Variants in UBA2 observed in about 807,000 individuals in gnomAD.
The protein encoded by UBA2 is SUMO-activating enzyme subunit 2.
Under a neutral mutation model 77.2 loss-of-function variants are expected in UBA2, and 11 were observed. The observed-to-expected ratio is 0.14, with a 90% CI of 0.09 to 0.24. The LOEUF is 0.24. Among genes scored for constraint, UBA2 ranks in the 10% least tolerant of loss-of-function variants. The pLI, the probability that UBA2 is intolerant of heterozygous loss-of-function variation, is 1.00. For synonymous variants in UBA2, 278 were observed against 276.7 expected (o/e 1.00, Z -0.05); for missense variants, 487 against 781.7 (o/e 0.62, Z 4.50).
In UBA2 at chr19:34,454,550, C is replaced by G; in HGVS notation, c.1239C>G (p.Cys413Trp). The G allele has an allele frequency of 6.4e-7, 1 of 1,553,386 alleles. No homozygotes were observed. Among genetic ancestry groups the G allele is most frequent in the Non-Finnish European group, 8.8e-7 (1 of 1,140,066 alleles). ...TTTTATCAGGAAAAATAGACCAGTGCAGAACAGTGAGTATTTCTGTTTGCA... is the reference window on the plus strand; with the variant it reads ...TTTTATCAGGAAAAATAGACCAGTGGAGAACAGTGAGTATTTCTGTTTGCA... Reference protein sequence around the residue: ...LKILSGKIDQCRTIFLNKQPN... With the variant: ...LKILSGKIDQWRTIFLNKQPN... The change falls in exon 12 of 17, where the codon TGC (cysteine) becomes TGG (tryptophan). Residue 413 changes from cysteine to tryptophan, a missense_variant. This residue lies in a region of UBA2 where 300 missense variants were observed against 454.3 expected (regional missense o/e 0.66). Transcript: ENST00000246548.
chr19:34,431,355 G>A (rs565743935), intron 2 of UBA2, among the ~76,000 whole-genome samples: 19 of 147,108 alleles, frequency 1.3e-4, no homozygotes, highest in African/African-American at 4.0e-4. Flanking sequence ...TGGCCTCAAG[G>A]GATCCTCCTA....
chr19:34,431,735 G>A, intron 2 of UBA2, 126 bp from the exon 3 acceptor site: 1 of 741,210 alleles, frequency 1.3e-6, no homozygotes, highest in Admixed American at 2.3e-5. Flanking sequence ...TCACATTTTT[G>A]GACTTCTTTG....
At chr19:34,439,661 C>G (rs1443888314) in intron 6 of UBA2, among the ~76,000 whole-genome samples, 1 of 151,878 alleles carries the variant, frequency 6.6e-6, no homozygotes, top group Non-Finnish European at 1.5e-5. Context: ...AAAACCGTGT[C>G]TCTACAAAAA....
intron 15 of UBA2, 114 bp from the exon 16 acceptor site, chr19:34,466,764 G>T: frequency 1.4e-6 from 1 of 724,160 alleles, no homozygotes; most frequent in Non-Finnish European, 2.1e-6. Context: ...AAAAAAATTA[G>T]AATCCACATA....
In UBA2 at chr19:34,454,345, A is replaced by C; in HGVS notation, c.1124A>C (p.Asp375Ala). Residue 375 changes from aspartate (D) to alanine (A), a missense_variant, in exon 11 of 17, where the codon GAT (aspartate) becomes GCT (alanine). Coordinates refer to ENST00000246548, the MANE Select transcript of UBA2 (RefSeq NM_005499.3). ...IFSMNMKSRF[D>A]IKSMAGNIIP... The stretch of plus-strand genomic sequence containing the variant: ...AGTATGAATATGAAGAGTAGATTTG[A>C]TATCAAATGTAAGTTATTTGTACTA... 6.2e-7 allele frequency: 1 copy of C among 1,610,616 alleles called. No individual in the cohort carries two copies. The highest frequency in any genetic ancestry group is 8.5e-7 in the Non-Finnish European group (1 of 1,178,738).
At chr19:34,467,776 A>G (rs2075703532) in intron 16 of UBA2, among the ~76,000 whole-genome samples, 1 of 152,222 alleles carries the variant, frequency 6.6e-6, no homozygotes, top group Non-Finnish European at 1.5e-5. Flanking sequence ...CAAACAAGTC[A>G]TTTAAGACTG....
At chr19:34,434,217 T>C (rs2075285897) in intron 4 of UBA2, among the ~76,000 whole-genome samples, 2 of 152,192 alleles carry the variant, frequency 1.3e-5, no homozygotes, top group Non-Finnish European at 2.9e-5. Flanking sequence ...GCTCAGGTGA[T>C]ACTCTTACCT....
At chr19:34,433,516 A>G in intron 4 of UBA2, 104 bp downstream of exon 4, 4 of 823,606 alleles carry the variant, frequency 4.9e-6, no homozygotes, top group Non-Finnish European at 7.8e-6. Context: ...TTAGAACTTA[A>G]AAGACTTAAG....
chr19:34,433,431 T>C lies in UBA2; in HGVS notation c.358+19T>C. ...AACAGAGGTGAGGTTATTTTAATAC[T>C]TTTAATTTCTCAGTATTTCCTCTCT... On this transcript the variant is annotated intron_variant, in intron 4 of 16. Coordinates refer to ENST00000246548, the MANE Select transcript of UBA2 (RefSeq NM_005499.3). 1 of 1,491,502 alleles carries C rather than the reference T, an allele frequency of 6.7e-7. No homozygotes were observed. The highest frequency in any genetic ancestry group is 1.2e-5 in the South Asian group (1 of 85,516). The allele number at this position is 1,491,502 out of a possible 1,614,324, so 92.4% of individuals were successfully genotyped here.
At position 34,452,660 on chromosome 19, in the gene UBA2, A is replaced by G. The variant is rs573684680; in HGVS notation, c.1038+513A>G. On this transcript the variant is annotated intron_variant, in intron 10 of 16. Coordinates refer to ENST00000246548, the MANE Select transcript of UBA2 (RefSeq NM_005499.3). ...CAGTTATGTCATCTTTTGAGATTTGATATTATGAACTAATTTTACTTAATT... is the reference window on the plus strand; with the variant it reads ...CAGTTATGTCATCTTTTGAGATTTGGTATTATGAACTAATTTTACTTAATT... 2.0e-5 allele frequency among the ~76,000 whole-genome samples: 3 copies of G among 152,356 alleles called. No homozygotes were observed. In the East Asian group the frequency reaches 5.8e-4, roughly 29 times the overall value.
At chr19:34,449,732 T>C (rs1427272513) in intron 8 of UBA2, among the ~76,000 whole-genome samples, 6 of 152,228 alleles carry the variant, frequency 3.9e-5, no homozygotes, top group African/African-American at 1.4e-4. Context: ...TGTTCATGTT[T>C]CTGTGGGTTA....
chr19:34,437,020 A>G (rs2075316088), intron 5 of UBA2, among the ~76,000 whole-genome samples: 1 of 152,184 alleles, frequency 6.6e-6, no homozygotes, highest in Non-Finnish European at 1.5e-5. Flanking sequence ...AGCATATTGG[A>G]AGGCTGAGGG....
At chr19:34,456,422 C>T (rs1257335252) in intron 12 of UBA2, among the ~76,000 whole-genome samples, 1 of 151,934 alleles carries the variant, frequency 6.6e-6, no homozygotes, top group East Asian at 1.9e-4. Flanking sequence ...CCTCGATGCA[C>T]TCTTAAAATA....
In UBA2 at chr19:34,460,560, A is replaced by G; in HGVS notation, c.1492A>G (p.Thr498Ala). 1 of 1,604,720 alleles carries G rather than the reference A, an allele frequency of 6.2e-7. No homozygotes were observed. Among genetic ancestry groups the G allele is most frequent in the Non-Finnish European group, 8.5e-7 (1 of 1,174,412 alleles). Residue 498 changes from threonine (T) to alanine (A), a missense_variant, in exon 14 of 17, where the codon ACG becomes GCG. Around this residue, in one of 9 missense-constraint regions of UBA2, gnomAD observed 300 missense variants for 454.3 expected, o/e 0.66. Coordinates refer to ENST00000246548, the MANE Select transcript of UBA2 (RefSeq NM_005499.3). ...CCTAATATCTTCCGAAGAGGGAGAG[A>G]CGGAAGGTATCATACATTGTATTTA... ...TILISSEEGETEANNHKKLSE... is the reference protein window; with the variant it reads ...TILISSEEGEAEANNHKKLSE...
intron 8 of UBA2, among the ~76,000 whole-genome samples, chr19:34,449,026 A>G (rs769745981): frequency 6.6e-6 from 1 of 151,718 alleles, no homozygotes; most frequent in East Asian, 1.9e-4. Flanking sequence ...TTGCTGTCAT[A>G]AGGAGACTCT....
chr19:34,455,248 A>G (rs1480954649), intron 12 of UBA2, among the ~76,000 whole-genome samples: 1 of 152,190 alleles, frequency 6.6e-6, no homozygotes, highest in African/African-American at 2.4e-5. Flanking sequence ...CATGAATTAT[A>G]TGGGAAGATA....
chr19:34,458,731 C>A, intron 12 of UBA2, 38 bp from the exon 13 acceptor site: 1 of 1,578,782 alleles, frequency 6.3e-7, no homozygotes, highest in South Asian at 1.2e-5. Flanking sequence ...AAAATTACAG[C>A]ACGTTTCCGA....
chr19:34,449,922 A>G (rs1007279668), intron 8 of UBA2, among the ~76,000 whole-genome samples: 1 of 152,106 alleles, frequency 6.6e-6, no homozygotes, highest in Non-Finnish European at 1.5e-5. Flanking sequence ...CAACTACATA[A>G]TGTACATTTA....
In UBA2 at chr19:34,431,908, T is replaced by A. The variant is rs766799955; in HGVS notation, c.270T>A (p.Val90=). The A allele has an allele frequency of 6.2e-7, 1 of 1,614,028 alleles. No homozygotes were observed. Among genetic ancestry groups the A allele is most frequent in the Admixed American group, 1.7e-5 (1 of 60,018 alleles). ...VLQFYPKANI[V]AYHDSIMNPD... is the part of the protein sequence containing the mutation. ...AGTTTTACCCGAAAGCTAATATCGT[T>A]GCCTACCATGACAGCATCATGAAGT... is the stretch of plus-strand genomic sequence containing the variant. The change falls in exon 3 of 17, where the codon GTT becomes GTA. Residue 90 remains valine, a synonymous_variant. Transcript: ENST00000246548.
Sources: allele counts gnomAD v4.1 joint callset (sites outside exome capture counted in the v4.1 genomes callset), GRCh38; gene constraint gnomAD v4.1.1; regional missense constraint gnomAD v4.1.1; transcripts MANE v1.5; gene names NCBI Gene and HGNC (gene_info 2026-07-23, HGNC 2026-07-21).